Variants in EXOC3 observed in about 807,000 individuals in gnomAD.
EXOC3 encodes the protein SEC6-like 1.
EXOC3 carries 21 observed loss-of-function variants against 73.7 expected under a neutral mutation model. The ratio of observed to expected loss-of-function variants is 0.29; its 90% confidence interval spans 0.20 to 0.41. The LOEUF is 0.41. Ranked by LOEUF, EXOC3 falls within the 10% of genes least tolerant of loss-of-function variation. EXOC3 has a pLI of 1.00. For synonymous variants in EXOC3, 410 were observed against 389.1 expected, an observed-to-expected ratio of 1.05 and a Z score of -0.63; for missense variants, 842 against 985.1, an observed-to-expected ratio of 0.85 and a Z score of 1.95.
At position 447,862 on chromosome 5, in the gene EXOC3, G is replaced by A. The variant is rs141877936; in HGVS notation, c.364+110G>A. 146 of 732,726 alleles carry A rather than the reference G, an allele frequency of 2.0e-4. 2 individuals carry two copies. In the African/African-American group the frequency reaches 2.1e-3, roughly 11 times the overall value. The allele number at this position is 732,726 out of a possible 1,614,324, so 45.4% of individuals were successfully genotyped here. A position where few individuals can be genotyped will look rare whatever the true frequency, so the allele number is the denominator to read the frequency against. ...CAGCCCGCACTGTAGACCTGTAGAC[G>A]GTAAGTGTGATTCTTGTCTGCTCAG... On this transcript the variant is annotated intron_variant, in intron 3 of 12. Coordinates refer to ENST00000512944, the MANE Select transcript of EXOC3 (RefSeq NM_007277.5).
chr5:447,902 C>T (rs544614382), intron 3 of EXOC3, 150 bp downstream of exon 3: 10 of 610,316 alleles, frequency 1.6e-5, no homozygotes, highest in South Asian at 1.1e-4. Flanking sequence ...TTTTTTTGAA[C>T]GTGGATGGAA....
rs780703453 is a variant in EXOC3, at chr5:466,857, A to G, written c.2197A>G (p.Ile733Val). Reference protein sequence around the residue: ...SPSYVPLFKDIVVPSLNVAKL... With the variant: ...SPSYVPLFKDVVVPSLNVAKL... ...CAGCTACGTGCCCCTCTTCAAGGAC[A>G]TTGTGGTGCCCAGCCTGAACGTGGC... The change falls in exon 13 of 13, where the codon ATT becomes GTT. Residue 733 changes from isoleucine to valine, a missense_variant. Coordinates refer to ENST00000512944, the MANE Select transcript of EXOC3 (RefSeq NM_007277.5). 6 of 1,612,258 alleles carry G rather than the reference A, an allele frequency of 3.7e-6. No homozygotes were observed. The highest frequency in any genetic ancestry group is 5.1e-6 in the Non-Finnish European group (6 of 1,179,358).
chr5:466,494 A>G, intron 12 of EXOC3: 1 of 537,628 alleles, frequency 1.9e-6, no homozygotes, highest in East Asian at 2.9e-5. Context: ...GGGCCGGAAC[A>G]AAGATTTATA....
chr5:466,320 G>T, intron 12 of EXOC3: 1 of 250,448 alleles, frequency 4.0e-6, no homozygotes, highest in Non-Finnish European at 7.7e-6. Flanking sequence ...CACCATGCTG[G>T]CTCCAGGCCC....
chr5:448,886 A>G (rs1200159235), intron 3 of EXOC3, among the ~76,000 whole-genome samples: 2 of 152,184 alleles, frequency 1.3e-5, no homozygotes, highest in Admixed American at 6.5e-5. Flanking sequence ...TGCATGCCCA[A>G]CACGAACGCC....
chr5:462,335 TTTCTGGGCCGAAGCCCAGTGC>T, intron 9 of EXOC3, 28 bp downstream of exon 9: 1 of 1,613,498 alleles, frequency 6.2e-7, no homozygotes, highest in Non-Finnish European at 8.5e-7. Context: ...CTCCTGCCGT[TTTCTGGGCCGAAGCCCAGTGC>T]TTCCTCACTG....
At chr5:466,316 G>A in intron 12 of EXOC3, 1 of 246,844 alleles carries the variant, frequency 4.1e-6, no homozygotes. Flanking sequence ...CCTCCACCAT[G>A]CTGGCTCCAG....
intron 5 of EXOC3, chr5:457,248 T>C: frequency 1.9e-6 from 1 of 517,596 alleles, no homozygotes; most frequent in South Asian, 2.1e-5. Context: ...GCCTGTGCCC[T>C]ACTCGGCAGG....
intron 7 of EXOC3, among the ~76,000 whole-genome samples, chr5:460,265 C>T (rs1323502705): frequency 6.6e-6 from 1 of 152,228 alleles, no homozygotes; most frequent in Non-Finnish European, 1.5e-5. Context: ...CGAATAGCCC[C>T]TTCCCTCCTT....
intron 1 of EXOC3, among the ~76,000 whole-genome samples, chr5:443,572 C>G (rs909925229): frequency 2.6e-5 from 4 of 151,772 alleles, no homozygotes; most frequent in Non-Finnish European, 2.9e-5. Flanking sequence ...TGCAGGTGTC[C>G]CCTTAACAGT....
At chr5:459,918 G>T (rs1365202879) in intron 7 of EXOC3, among the ~76,000 whole-genome samples, 1 of 152,240 alleles carries the variant, frequency 6.6e-6, no homozygotes, top group Non-Finnish European at 1.5e-5. Flanking sequence ...AACCTATACA[G>T]ATGTGGAAAA....
chr5:452,955 G>A (rs1737697712), intron 3 of EXOC3, among the ~76,000 whole-genome samples: 1 of 152,212 alleles, frequency 6.6e-6, no homozygotes, highest in Non-Finnish European at 1.5e-5. Context: ...ATGCAACAGT[G>A]GCCACTTACC....
chr5:465,262 A>T lies in EXOC3; in HGVS notation c.1928A>T (p.Lys643Met). Residue 643 changes from lysine to methionine, a missense_variant, in exon 11 of 13, where the codon AAG becomes ATG. Transcript: ENST00000512944. Reference protein sequence around the residue: ...EAEQLRFLFRKLASGFGEDVD... With the variant: ...EAEQLRFLFRMLASGFGEDVD... ...GAGCAGCTGCGCTTCCTGTTCCGGA[A>T]GCTGGCGTCCGTGAGTGTCGCGCAG... 1 of 1,584,292 alleles carries T rather than the reference A, an allele frequency of 6.3e-7. No individual in the cohort carries two copies. Among genetic ancestry groups the T allele is most frequent in the East Asian group, 2.3e-5 (1 of 43,258 alleles).
rs11407642 is a variant in EXOC3, at chr5:457,331, TG to T, written c.1164+332del. On this transcript the variant is annotated intron_variant, in intron 5 of 12. Coordinates refer to ENST00000512944, the MANE Select transcript of EXOC3 (RefSeq NM_007277.5). ...GGCTCTCGGCTCTGAGTCCCATGGT[TG>T]GGGGGGTCCGTCAAGGACCAAAGGG... 11 of 330,092 alleles carry T rather than the reference TG, an allele frequency of 3.3e-5. No homozygotes were observed. The East Asian group carries it at 5.3e-4, about 16-fold the overall frequency. 20.4% of individuals were successfully genotyped at this position (330,092 alleles called of 1,614,324 possible).
intron 12 of EXOC3, 161 bp downstream of exon 12, chr5:466,006 G>C (rs1738137432): frequency 4.1e-6 from 3 of 728,286 alleles, no homozygotes; most frequent in South Asian, 3.7e-5. Flanking sequence ...GCAGGGAGCA[G>C]AGCTGCTTCT....
intron 4 of EXOC3, 65 bp from the exon 5 acceptor site, chr5:456,824 C>A: frequency 8.1e-7 from 1 of 1,234,350 alleles, no homozygotes; most frequent in Non-Finnish European, 1.2e-6. Flanking sequence ...ACAGTCTCGG[C>A]ACACTTGGGC....
chr5:464,871 C>T, intron 10 of EXOC3: 1 of 566,442 alleles, frequency 1.8e-6, no homozygotes, highest in Non-Finnish European at 3.1e-6. Context: ...ACTGCCTCGC[C>T]CGCGTCTGTC....
In EXOC3 at chr5:456,988, G is replaced by T. The variant is rs773259161; in HGVS notation, c.1146G>T (p.Thr382=). ...ACGTGGTCTCTGAGCTGCTTGACAC[G>T]TACATGTCCACGCTCACTGTGAGTA... ...SPHVVSELLD[T]YMSTLTSNII... is the part of the protein sequence containing the mutation. Residue 382 remains threonine, a synonymous_variant, in exon 5 of 13, where the codon ACG becomes ACT. Coordinates refer to ENST00000512944, the MANE Select transcript of EXOC3 (RefSeq NM_007277.5). 6.8e-6 allele frequency: 11 copies of T among 1,613,378 alleles called. No individual in the cohort carries two copies. Among genetic ancestry groups the T allele is most frequent in the Non-Finnish European group, 8.5e-6 (10 of 1,179,340 alleles).
intron 12 of EXOC3, 57 bp from the exon 13 acceptor site, chr5:466,670 G>A: frequency 6.5e-7 from 1 of 1,538,902 alleles, no homozygotes; most frequent in Non-Finnish European, 8.8e-7. Flanking sequence ...GTCCCTGGCA[G>A]CGTGGTGCAT....
Sources: gnomAD v4.1 joint callset for allele counts (sites outside exome capture counted in the v4.1 genomes callset) on GRCh38, gnomAD v4.1.1 for gene constraint, MANE v1.5 for transcripts, NCBI Gene and HGNC (gene_info 2026-07-23, HGNC 2026-07-21) for gene names.